The following ANKRD10 variants were observed in gnomAD, a reference collection of about 807,000 sequenced individuals.
ANKRD10 encodes the protein ankyrin repeat domain-containing protein 10.
ANKRD10 carries 14 observed loss-of-function variants against 27.0 expected under a neutral mutation model. The ratio of observed to expected loss-of-function variants is 0.52; its 90% CI spans 0.34 to 0.81. The LOEUF is 0.81. Among genes scored for constraint, ANKRD10 ranks in the 40% least tolerant of loss-of-function variants. ANKRD10 has a pLI of 0.01. For missense variants in ANKRD10, 493 were observed against 544.0 expected (o/e 0.91, Z 0.93); for synonymous variants, 250 against 224.5 (o/e 1.11, Z -1.01).
rs141221743 is a variant in ANKRD10, at chr13:110,900,172, C to T, written c.455+5861G>A. On this transcript the variant is annotated intron_variant, in intron 3 of 5. Coordinates refer to ENST00000267339, the MANE Select transcript of ANKRD10 (RefSeq NM_017664.4). Reference sequence around the variant, plus strand: ...CACTCTGAAGCCAGCCAGGGTCCCACCAGTTTCCACTTATAGTGCCACAAT... The same window carrying T: ...CACTCTGAAGCCAGCCAGGGTCCCATCAGTTTCCACTTATAGTGCCACAAT... 4.4e-4 allele frequency among the ~76,000 whole-genome samples: 67 copies of T among 152,336 alleles called. 1 individual carries two copies. The highest frequency in any genetic ancestry group is 1.6e-3 in the African/African-American group (65 of 41,574).
intron 3 of ANKRD10, among the ~76,000 whole-genome samples, chr13:110,898,689 C>A (rs2065294337): frequency 1.3e-5 from 2 of 151,954 alleles, no homozygotes; most frequent in Non-Finnish European, 2.9e-5. Flanking sequence ...CCTCCCACTT[C>A]AGCCTCCTGA....
At chr13:110,883,604 A>G (rs1343443840) in intron 5 of ANKRD10, 94 bp downstream of exon 5, 2 of 1,561,624 alleles carry the variant, frequency 1.3e-6, no homozygotes, top group Admixed American at 1.8e-5. Flanking sequence ...ATATATTTCT[A>G]TTTCTTTTGG....
At chr13:110,914,561 C>G in intron 1 of ANKRD10, 164 bp downstream of exon 1, 2 of 1,010,266 alleles carry the variant, frequency 2.0e-6, no homozygotes, top group Non-Finnish European at 2.5e-6. Context: ...GGGCCGCGAG[C>G]GCTGCCGCAC....
chr13:110,911,175 C>T (rs1422865920), intron 1 of ANKRD10, among the ~76,000 whole-genome samples: 4 of 152,154 alleles, frequency 2.6e-5, no homozygotes, highest in East Asian at 1.9e-4. Context: ...GTAGGCCGGG[C>T]GCAGTGGCTC....
At chr13:110,893,388 T>A (rs1000496067) in intron 3 of ANKRD10, 125 bp from the exon 4 acceptor site, 43 of 847,822 alleles carry the variant, frequency 5.1e-5, no homozygotes, top group Non-Finnish European at 7.6e-5. Context: ...CAAATCTTCA[T>A]TAAAGAAGTA....
At chr13:110,901,262 A>G (rs1189022085) in intron 3 of ANKRD10, among the ~76,000 whole-genome samples, 1 of 152,216 alleles carries the variant, frequency 6.6e-6, no homozygotes, top group Non-Finnish European at 1.5e-5. Flanking sequence ...TCTTAAATAT[A>G]TTCTTCAGTT....
chr13:110,901,529 G>A (rs1369503987), intron 3 of ANKRD10, among the ~76,000 whole-genome samples: 3 of 152,200 alleles, frequency 2.0e-5, no homozygotes, highest in Admixed American at 1.3e-4. Flanking sequence ...TATAAAAGTA[G>A]TAAGGAAATT....
chr13:110,891,377 A>T (rs2065068285), intron 4 of ANKRD10, among the ~76,000 whole-genome samples: 1 of 152,264 alleles, frequency 6.6e-6, no homozygotes, highest in African/African-American at 2.4e-5. Flanking sequence ...ACCATTAAAA[A>T]AGACCATTTT....
intron 3 of ANKRD10, among the ~76,000 whole-genome samples, chr13:110,901,492 A>G (rs9521986): frequency 0.015 from 2,264 of 152,172 alleles, 26 homozygotes; most frequent in Middle Eastern, 0.034. Flanking sequence ...GATTTAGCAA[A>G]CACTGGTTTT....
At chr13:110,913,743 T>A (rs190490827) in intron 1 of ANKRD10, among the ~76,000 whole-genome samples, 154 of 152,248 alleles carry the variant, frequency 1.0e-3, no homozygotes, top group African/African-American at 3.6e-3. Flanking sequence ...TTTAACCCCA[T>A]CTCATCACTT....
At chr13:110,885,321 G>A (rs1394028057) in intron 4 of ANKRD10, among the ~76,000 whole-genome samples, 1 of 152,160 alleles carries the variant, frequency 6.6e-6, no homozygotes, top group East Asian at 1.9e-4. Context: ...GGGAGGCCGA[G>A]GCGGGTGGAT....
intron 4 of ANKRD10, among the ~76,000 whole-genome samples, chr13:110,891,363 C>A (rs913273594): frequency 1.3e-5 from 2 of 152,116 alleles, no homozygotes; most frequent in Non-Finnish European, 2.9e-5. Flanking sequence ...ATGCTGAATA[C>A]ATCACCATTA....
chr13:110,912,936 G>A (rs80153958), intron 1 of ANKRD10, among the ~76,000 whole-genome samples: 1 of 152,180 alleles, frequency 6.6e-6, no homozygotes, highest in Admixed American at 6.5e-5. Flanking sequence ...CAGACAGCTG[G>A]AAACAATGAA....
At chr13:110,880,186 C>G in intron 5 of ANKRD10, 74 bp from the exon 6 acceptor site, 1 of 1,241,418 alleles carries the variant, frequency 8.1e-7, no homozygotes, top group Non-Finnish European at 1.1e-6. Context: ...TGCTTCACTG[C>G]CATTACAATT....
chr13:110,894,142 A>G lies in ANKRD10; in HGVS notation c.456-879T>C, dbSNP rs763938492. On this transcript the variant is annotated intron_variant, in intron 3 of 5. Transcript: ENST00000267339. ...ACTGAATTAAAACTGAGGGATCAAA[A>G]GTAACTCCATGTTGAAGTTCCCCTG... The G allele has an allele frequency of 2.5e-4, 407 of 1,612,238 alleles. 1 individual carries two copies. The highest frequency in any genetic ancestry group is 1.8e-5 in the Non-Finnish European group (21 of 1,179,512).
At chr13:110,903,211 A>G (rs2065433123) in intron 3 of ANKRD10, among the ~76,000 whole-genome samples, 1 of 152,244 alleles carries the variant, frequency 6.6e-6, no homozygotes, top group Non-Finnish European at 1.5e-5. Context: ...GAACTACCAT[A>G]TAAGCAAGAT....
At chr13:110,880,494 C>T (rs1347401647) in intron 5 of ANKRD10, among the ~76,000 whole-genome samples, 1 of 152,138 alleles carries the variant, frequency 6.6e-6, no homozygotes, top group Admixed American at 6.5e-5. Flanking sequence ...TCCATCAGAA[C>T]TGAGTGTAAA....
chr13:110,883,735 G>C lies in ANKRD10; in HGVS notation c.750C>G (p.Asp250Glu), dbSNP rs147534351. 132 of 1,614,174 alleles carry C rather than the reference G, an allele frequency of 8.2e-5. No individual in the cohort carries two copies. The highest frequency in any genetic ancestry group is 1.1e-4 in the Non-Finnish European group (128 of 1,180,024). The change falls in exon 5 of 6, where the codon GAC becomes GAG. Residue 250 changes from aspartate to glutamate, a missense_variant. Physicochemically the swap from Asp to Glu is conservative, Grantham distance 45 (BLOSUM62 2). Transcript: ENST00000267339. ...LTNGDTEDDA[D>E]KMHVDREFAV... ...CAAACTCCCTATCAACGTGCATTTT[G>C]TCAGCATCGTCTTCTGTGTCGCCAT...
chr13:110,898,344 G>A (rs975013596), intron 3 of ANKRD10, among the ~76,000 whole-genome samples: 3 of 152,166 alleles, frequency 2.0e-5, no homozygotes, highest in Non-Finnish European at 4.4e-5. Context: ...AATCATTAAA[G>A]ATCATAAAAG....
Sources: allele counts gnomAD v4.1 joint callset (sites outside exome capture counted in the v4.1 genomes callset), GRCh38; gene constraint gnomAD v4.1.1; transcripts MANE v1.5; gene names NCBI Gene and HGNC (gene_info 2026-07-23, HGNC 2026-07-21).